TMEM132C: variants seen among roughly 807,000 people sequenced by gnomAD.
The protein encoded by TMEM132C is transmembrane protein 132C, also known as protein phosphatase 1, regulatory subunit 152.
In TMEM132C, 29 loss-of-function variants were observed where a neutral mutation model predicts 61.4. The ratio of observed to expected loss-of-function variants is 0.47; its 90% confidence interval spans 0.35 to 0.64. The LOEUF (loss-of-function observed/expected upper bound fraction) is 0.64. TMEM132C is among the 30% of genes least tolerant of loss of function. The pLI, the probability that TMEM132C is intolerant of heterozygous loss-of-function variation, is 0.00. For synonymous variants in TMEM132C, 656 were observed against 633.1 expected (o/e 1.04, Z -0.54); for missense variants, 1,408 against 1,476.9 (o/e 0.95, Z 0.76).
intron 2 of TMEM132C, among the ~76,000 whole-genome samples, chr12:128,448,540 A>G (rs1048675912): frequency 7.9e-5 from 12 of 152,124 alleles, no homozygotes; most frequent in African/African-American, 2.9e-4. Context: ...GCTCCAAGAG[A>G]AAGAGTCGAG....
chr12:128,482,040 T>C (rs1044429797), intron 2 of TMEM132C, among the ~76,000 whole-genome samples: 2 of 152,196 alleles, frequency 1.3e-5, no homozygotes, highest in Non-Finnish European at 2.9e-5. Flanking sequence ...CTGTCATAAG[T>C]AGCTCATATT....
intron 2 of TMEM132C, among the ~76,000 whole-genome samples, chr12:128,493,305 T>G (rs1280094242): frequency 2.6e-5 from 4 of 152,232 alleles, no homozygotes; most frequent in African/African-American, 9.7e-5. Context: ...CTTTGTTCCT[T>G]TGGCTTAGGA....
chr12:128,681,581 T>G (rs572522074), intron 5 of TMEM132C, among the ~76,000 whole-genome samples: 2 of 152,216 alleles, frequency 1.3e-5, no homozygotes, highest in African/African-American at 4.8e-5. Context: ...TGGCTTAGCA[T>G]TCTCCATACT....
At chr12:128,484,490 C>G (rs953108603) in intron 2 of TMEM132C, among the ~76,000 whole-genome samples, 13 of 152,142 alleles carry the variant, frequency 8.5e-5, no homozygotes, top group Admixed American at 8.5e-4. Flanking sequence ...TTTCTGTGTT[C>G]TGGCCGAATC....
chr12:128,320,775 G>A (rs2135934682), intron 1 of TMEM132C, among the ~76,000 whole-genome samples: 1 of 148,534 alleles, frequency 6.7e-6, no homozygotes, highest in East Asian at 2.0e-4. Flanking sequence ...GCAAGACCCT[G>A]TCTCAAAAAT....
intron 5 of TMEM132C, among the ~76,000 whole-genome samples, chr12:128,685,621 T>C (rs116132401): frequency 0.021 from 3,237 of 152,276 alleles, 114 homozygotes; most frequent in African/African-American, 0.071. Flanking sequence ...CTGTTCATAT[T>C]TTCCTGGCCA....
At chr12:128,349,423 G>A (rs1281842248) in intron 1 of TMEM132C, among the ~76,000 whole-genome samples, 1 of 152,162 alleles carries the variant, frequency 6.6e-6, no homozygotes, top group Non-Finnish European at 1.5e-5. Flanking sequence ...CTTCAAGCTT[G>A]GTGCCACATT....
At chr12:128,556,784 C>T (rs561583174) in intron 3 of TMEM132C, among the ~76,000 whole-genome samples, 1 of 152,258 alleles carries the variant, frequency 6.6e-6, no homozygotes, top group African/African-American at 2.4e-5. Context: ...AAAAGGAGGA[C>T]CCCCGAGCCT....
At chr12:128,409,379 T>G (rs1380223806) in intron 1 of TMEM132C, among the ~76,000 whole-genome samples, 1 of 151,964 alleles carries the variant, frequency 6.6e-6, no homozygotes, top group East Asian at 1.9e-4. Context: ...AAATCAGGAA[T>G]CTCAAACTCA....
chr12:128,653,017 A>T (rs1954288009), intron 4 of TMEM132C, among the ~76,000 whole-genome samples: 1 of 152,258 alleles, frequency 6.6e-6, no homozygotes, highest in South Asian at 2.1e-4. Context: ...AAAAAGTGGG[A>T]ACAACCCAAA....
intron 1 of TMEM132C, among the ~76,000 whole-genome samples, chr12:128,396,383 C>T (rs1408756200): frequency 1.6e-5 from 2 of 123,336 alleles, no homozygotes; most frequent in Admixed American, 7.6e-5. Flanking sequence ...TGGGGCCTGT[C>T]GTGGGGGTGA....
chr12:128,296,315 A>G (rs1871413342), intron 1 of TMEM132C, among the ~76,000 whole-genome samples: 1 of 152,226 alleles, frequency 6.6e-6, no homozygotes, highest in Admixed American at 6.5e-5. Flanking sequence ...CAACTCCAGA[A>G]GTAGGGTGGT....
At chr12:128,320,812 C>CA (rs34303937) in intron 1 of TMEM132C, among the ~76,000 whole-genome samples, 43,087 of 129,072 alleles carry the variant, frequency 0.33, 7,681 homozygotes, top group Non-Finnish European at 0.43. Flanking sequence ...AAGATAAATA[C>CA]AAAAAAAAAA....
intron 1 of TMEM132C, among the ~76,000 whole-genome samples, chr12:128,339,522 G>C (rs1872890442): frequency 6.6e-6 from 1 of 151,966 alleles, no homozygotes; most frequent in Non-Finnish European, 1.5e-5. Flanking sequence ...CTGATTTAGA[G>C]GCCACTTAGG....
At chr12:128,271,275 T>C in intron 1 of TMEM132C, among the ~76,000 whole-genome samples, 1 of 32,992 alleles carries the variant, frequency 3.0e-5, no homozygotes, top group Non-Finnish European at 5.3e-5. Context: ...AATATAATAA[T>C]AATAATAATA....
intron 1 of TMEM132C, among the ~76,000 whole-genome samples, chr12:128,361,514 A>G (rs1873707749): frequency 6.6e-6 from 1 of 152,160 alleles, no homozygotes; most frequent in Non-Finnish European, 1.5e-5. Context: ...CATATAACAA[A>G]TGTCTCCATT....
intron 2 of TMEM132C, among the ~76,000 whole-genome samples, chr12:128,496,741 T>C (rs1871976021): frequency 6.6e-6 from 1 of 152,226 alleles, no homozygotes; most frequent in African/African-American, 2.4e-5. Flanking sequence ...CATCTAATCT[T>C]TTTTCAAGGA....
intron 2 of TMEM132C, among the ~76,000 whole-genome samples, chr12:128,536,659 C>T (rs928422845): frequency 3.9e-5 from 6 of 152,076 alleles, no homozygotes; most frequent in Non-Finnish European, 8.8e-5. Context: ...CATGGGGACC[C>T]CCTGGTAATC....
chr12:128,468,075 G>A lies in TMEM132C; in HGVS notation c.974+52455G>A, dbSNP rs112901100. On this transcript the variant is annotated intron_variant, in intron 2 of 8. Coordinates refer to ENST00000435159, the MANE Select transcript of TMEM132C (RefSeq NM_001136103.3). Reference sequence around the variant, plus strand: ...GGGCAGAGAGGTATCTGGTGATGACGCAATGTCTGACTCAGTGCTGAAGCT... The same window carrying A: ...GGGCAGAGAGGTATCTGGTGATGACACAATGTCTGACTCAGTGCTGAAGCT... Among the ~76,000 whole-genome samples, 8 of 152,270 alleles carry A rather than the reference G, an allele frequency of 5.3e-5. 1 individual carries two copies. Among genetic ancestry groups the A allele is most frequent in the African/African-American group, 1.2e-4 (5 of 41,570 alleles).
Sources: gnomAD v4.1 joint callset for allele counts (sites outside exome capture counted in the v4.1 genomes callset) on GRCh38, gnomAD v4.1.1 for gene constraint, MANE v1.5 for transcripts, NCBI Gene and HGNC (gene_info 2026-07-23, HGNC 2026-07-21) for gene names.